The following PCDH7 variants were observed in gnomAD, a reference collection of about 807,000 sequenced individuals.
PCDH7 encodes the protein protocadherin-7.
Under a neutral mutation model 58.9 loss-of-function variants are expected in PCDH7, and 17 were observed. The ratio of observed to expected loss-of-function variants is 0.29; its 90% CI spans 0.20 to 0.43. The LOEUF is 0.43. PCDH7 is among the 20% of genes least tolerant of loss of function. The probability of loss-of-function intolerance (pLI) is 1.00; values close to 1 mark genes in which losing one functional copy is unlikely to be tolerated. For missense variants in PCDH7, 1,274 were observed against 1,441.0 expected (o/e 0.88, Z 1.88); for synonymous variants, 664 against 616.4 (o/e 1.08, Z -1.14).
At chr4:30,987,785 A>ATTTTTAATTT (rs1560557230) in intron 3 of PCDH7, 152 of 152,310 alleles carry the variant, frequency 1.0e-3, no homozygotes, top group African/African-American at 3.6e-3. Flanking sequence ...ATTTTTAAAT[A>ATTTTTAATTT]TTAGTTGGAA....
intron 2 of PCDH7, among the ~76,000 whole-genome samples, chr4:30,925,131 C>T (rs1205069617): frequency 6.6e-6 from 1 of 152,182 alleles, no homozygotes; most frequent in Non-Finnish European, 1.5e-5. Context: ...TCCTTCATCT[C>T]TTCATTCTAC....
At position 30,936,731 on chromosome 4, in the gene PCDH7, G is replaced by T. The variant is rs899175356; in HGVS notation, c.288-13389G>T. The stretch of plus-strand genomic sequence containing the variant: ...TGGTACCTGGTATTATAACTCAGAC[G>T]GTCAAATATTTACTTCACAAAAATT... On this transcript the variant is annotated intron_variant, in intron 2 of 3. Coordinates refer to the PCDH7 transcript ENST00000509759. 4.0e-5 allele frequency among the ~76,000 whole-genome samples: 6 copies of T among 151,746 alleles called. No homozygotes were observed. The East Asian group carries it at 1.2e-3, about 29-fold the overall frequency.
intron 1 of PCDH7, among the ~76,000 whole-genome samples, chr4:30,769,090 A>G (rs1449318324): frequency 6.6e-6 from 1 of 152,232 alleles, no homozygotes; most frequent in South Asian, 2.1e-4. Context: ...AATTATTGGC[A>G]GACATTTCCT....
intron 1 of PCDH7, among the ~76,000 whole-genome samples, chr4:30,882,766 T>G (rs1737152646): frequency 1.3e-5 from 2 of 152,222 alleles, no homozygotes; most frequent in Admixed American, 6.5e-5. Context: ...AGTCACTGCC[T>G]TAGCAATAGC....
chr4:30,922,268 G>A (rs190311248), intron 2 of PCDH7, among the ~76,000 whole-genome samples: 93 of 151,788 alleles, frequency 6.1e-4, no homozygotes, highest in African/African-American at 2.1e-3. Flanking sequence ...TAATTTAGGG[G>A]TATTACTACA....
chr4:31,121,970 C>T (rs1318901370), intron 3 of PCDH7, among the ~76,000 whole-genome samples: 1 of 152,094 alleles, frequency 6.6e-6, no homozygotes, highest in African/African-American at 2.4e-5. Flanking sequence ...ATCATTATTA[C>T]ATCTGAATCA....
At chr4:31,025,500 C>T (rs924170113) in intron 3 of PCDH7, among the ~76,000 whole-genome samples, 3 of 152,084 alleles carry the variant, frequency 2.0e-5, no homozygotes, top group African/African-American at 4.8e-5. Flanking sequence ...TTCAGTCTTG[C>T]GTTGTTCTTT....
At position 30,828,546 on chromosome 4, in the gene PCDH7, T is replaced by TGG. The variant is rs1729375870; in HGVS notation, c.71-91607_71-91606insGG. ...GAGAATGCATGTGTTCATCATGAAA[T>TGG]CTAATTAGAGTGATACCAAAAAAAA... On this transcript the variant is annotated intron_variant, in intron 1 of 3. Transcript: ENST00000509759. Among the ~76,000 whole-genome samples the TGG allele has an allele frequency of 3.3e-5, 5 of 151,948 alleles. 1 individual carries two copies. The South Asian group carries it at 1.0e-3, about 32-fold the overall frequency.
At chr4:31,017,618 C>T (rs1186601457) in intron 3 of PCDH7, among the ~76,000 whole-genome samples, 1 of 152,136 alleles carries the variant, frequency 6.6e-6, no homozygotes, top group South Asian at 2.1e-4. Flanking sequence ...TACATACACA[C>T]TATCACCACC....
intron 1 of PCDH7, 89 bp downstream of exon 1, chr4:30,724,685 T>C (rs989695954): frequency 2.0e-6 from 3 of 1,474,462 alleles, no homozygotes; most frequent in Non-Finnish European, 2.7e-6. Context: ...TGTCTTCTCG[T>C]TTTTAAAGTT....
chr4:31,101,343 T>G (rs895563275), intron 3 of PCDH7, among the ~76,000 whole-genome samples: 6 of 152,222 alleles, frequency 3.9e-5, no homozygotes, highest in African/African-American at 7.2e-5. Context: ...AGTGGTATTT[T>G]TATAAAAAAA....
intron 3 of PCDH7, among the ~76,000 whole-genome samples, chr4:31,057,415 G>T (rs1757347300): frequency 6.6e-6 from 1 of 152,106 alleles, no homozygotes; most frequent in African/African-American, 2.4e-5. Flanking sequence ...GAGTCTCCTG[G>T]TATAAACATA....
chr4:31,026,609 C>G (rs1462427990), intron 3 of PCDH7, among the ~76,000 whole-genome samples: 3 of 152,166 alleles, frequency 2.0e-5, no homozygotes, highest in Non-Finnish European at 4.4e-5. Flanking sequence ...TGCTTTCCTG[C>G]CTGCCTAGTT....
chr4:30,960,152 AGGGAG>A (rs1560535339), intron 3 of PCDH7, among the ~76,000 whole-genome samples: 5 of 33,636 alleles, frequency 1.5e-4, no homozygotes, highest in African/African-American at 1.8e-4. Context: ...GAAGGAAGGA[AGGGAG>A]GGAGGGAGGG....
intron 3 of PCDH7, among the ~76,000 whole-genome samples, chr4:31,069,962 A>C (rs775054573): frequency 6.6e-6 from 1 of 152,054 alleles, no homozygotes; most frequent in Admixed American, 6.6e-5. Flanking sequence ...ATTGTGCAAC[A>C]ATCTTTCACA....
chr4:30,849,704 C>A (rs2109345253), intron 1 of PCDH7, among the ~76,000 whole-genome samples: 1 of 152,206 alleles, frequency 6.6e-6, no homozygotes, highest in African/African-American at 2.4e-5. Context: ...AAGCATCGAT[C>A]ATTTTCTTCC....
At chr4:30,862,808 C>T (rs1355501349) in intron 1 of PCDH7, among the ~76,000 whole-genome samples, 5 of 151,842 alleles carry the variant, frequency 3.3e-5, no homozygotes, top group Non-Finnish European at 5.9e-5. Context: ...TATTTTTTCT[C>T]TTGACATTCT....
intron 1 of PCDH7, among the ~76,000 whole-genome samples, chr4:30,874,442 A>G (rs1456759024): frequency 6.6e-6 from 1 of 151,982 alleles, no homozygotes; most frequent in Non-Finnish European, 1.5e-5. Flanking sequence ...TTGCAAGGAC[A>G]AAAAAGCAAA....
chr4:31,060,653 CAT>C (rs1319098974), intron 3 of PCDH7, among the ~76,000 whole-genome samples: 3 of 151,868 alleles, frequency 2.0e-5, no homozygotes, highest in East Asian at 3.9e-4. Context: ...AAAACCTAAA[CAT>C]ATTCAATTTC....
Sources: allele counts gnomAD v4.1 joint callset (sites outside exome capture counted in the v4.1 genomes callset), GRCh38; gene constraint gnomAD v4.1.1; transcripts MANE v1.5; gene names NCBI Gene and HGNC (gene_info 2026-07-23, HGNC 2026-07-21).